ARHGAP26: variants seen among roughly 807,000 people sequenced by gnomAD.
The protein encoded by ARHGAP26 is Rho GTPase activating protein 26.
Under a neutral mutation model 104.8 loss-of-function variants are expected in ARHGAP26, and 38 were observed. The observed-to-expected ratio is 0.36, with a 90% CI of 0.28 to 0.48. The LOEUF is 0.48. Among genes scored for constraint, ARHGAP26 ranks in the 20% least tolerant of loss-of-function variants. The pLI, the probability that ARHGAP26 is intolerant of heterozygous loss-of-function variation, is 0.99. For synonymous variants in ARHGAP26, 341 were observed against 340.0 expected, an observed-to-expected ratio of 1.00 and a Z score of -0.03; for missense variants, 704 against 947.9, an observed-to-expected ratio of 0.74 and a Z score of 3.38.
intron 17 of ARHGAP26, among the ~76,000 whole-genome samples, chr5:143,062,042 G>A (rs1713582008): frequency 6.6e-6 from 1 of 152,208 alleles, no homozygotes; most frequent in African/African-American, 2.4e-5. Flanking sequence ...AATAAAGGCA[G>A]AGCTTTGACA....
chr5:143,016,500 A>G (rs1340271587), intron 12 of ARHGAP26, among the ~76,000 whole-genome samples: 5 of 152,050 alleles, frequency 3.3e-5, no homozygotes, highest in Non-Finnish European at 7.4e-5. Context: ...GTCAGGAGTT[A>G]GAGACCAGCC....
At chr5:143,041,486 A>G (rs532020346) in intron 13 of ARHGAP26, 2 of 195,034 alleles carry the variant, frequency 1.0e-5, no homozygotes, top group East Asian at 1.3e-4. Flanking sequence ...AATTGGTTAA[A>G]TATGACATAT....
intron 17 of ARHGAP26, among the ~76,000 whole-genome samples, chr5:143,094,569 T>C (rs1792013166): frequency 6.6e-6 from 1 of 152,228 alleles, no homozygotes; most frequent in Non-Finnish European, 1.5e-5. Flanking sequence ...ATTTTCTTTT[T>C]AATTCTCAGC....
At chr5:143,069,280 G>A (rs968454686) in intron 17 of ARHGAP26, among the ~76,000 whole-genome samples, 1 of 152,080 alleles carries the variant, frequency 6.6e-6, no homozygotes, top group Non-Finnish European at 1.5e-5. Flanking sequence ...GCTCCACGAG[G>A]TTGGCAATTG....
At chr5:142,845,890 T>A (rs1354930478) in intron 1 of ARHGAP26, among the ~76,000 whole-genome samples, 4 of 152,214 alleles carry the variant, frequency 2.6e-5, no homozygotes, top group African/African-American at 4.8e-5. Context: ...TTGGTCAGGC[T>A]GCATCCTTTT....
intron 4 of ARHGAP26, among the ~76,000 whole-genome samples, chr5:142,881,296 C>G (rs1756965652): frequency 6.6e-6 from 1 of 152,174 alleles, no homozygotes; most frequent in South Asian, 2.1e-4. Flanking sequence ...CTCTCTCTGG[C>G]CTCTTCTCTC....
intron 20 of ARHGAP26, among the ~76,000 whole-genome samples, chr5:143,158,480 G>A (rs1056089001): frequency 8.6e-5 from 13 of 151,976 alleles, no homozygotes; most frequent in African/African-American, 2.4e-4. Context: ...CTCTCCACTG[G>A]GGAAGAATTT....
chr5:142,885,484 A>T (rs764979619), intron 5 of ARHGAP26, 85 bp downstream of exon 5: 27 of 1,263,132 alleles, frequency 2.1e-5, no homozygotes, highest in African/African-American at 3.0e-5. Context: ...TTTGCTAGAA[A>T]ATCTTAGGGT....
At chr5:143,172,238 A>G (rs1423390534) in intron 20 of ARHGAP26, among the ~76,000 whole-genome samples, 2 of 152,168 alleles carry the variant, frequency 1.3e-5, no homozygotes, top group African/African-American at 4.8e-5. Flanking sequence ...TCTGGTGGCA[A>G]CTGTCCTCTG....
At chr5:142,771,102 G>A in intron 1 of ARHGAP26, 187 bp downstream of exon 1, 5 of 1,327,322 alleles carry the variant, frequency 3.8e-6, no homozygotes, top group South Asian at 2.0e-5. Flanking sequence ...GATGAAGAGA[G>A]AGACCCGTCG....
At chr5:143,216,202 C>T (rs1005437678) in intron 22 of ARHGAP26, 8 of 471,370 alleles carry the variant, frequency 1.7e-5, no homozygotes, top group Non-Finnish European at 3.1e-5. Flanking sequence ...TGTCCTTCAG[C>T]TTCCACAGCC....
intron 11 of ARHGAP26, among the ~76,000 whole-genome samples, chr5:142,965,963 G>A (rs1771253983): frequency 6.6e-6 from 1 of 152,140 alleles, no homozygotes. Context: ...TTTAATAGCC[G>A]GTTCTAAATA....
chr5:143,054,340 A>G (rs986304385), intron 14 of ARHGAP26, 99 bp from the exon 15 acceptor site: 3 of 705,248 alleles, frequency 4.3e-6, no homozygotes, highest in Admixed American at 2.8e-5. Flanking sequence ...TTTACTTTGC[A>G]TTTCTCTAGT....
chr5:142,806,839 A>G (rs1354087789), intron 1 of ARHGAP26, among the ~76,000 whole-genome samples: 3 of 152,204 alleles, frequency 2.0e-5, no homozygotes, highest in East Asian at 1.9e-4. Flanking sequence ...TCTTACGCAT[A>G]TTTGGAACTA....
intron 13 of ARHGAP26, 46 bp downstream of exon 13, chr5:143,037,307 A>G: frequency 6.6e-7 from 1 of 1,508,686 alleles, no homozygotes; most frequent in Non-Finnish European, 9.1e-7. Context: ...AAGGTCACGC[A>G]TCTGGTGAGG....
chr5:142,972,197 A>G (rs1480902334), intron 11 of ARHGAP26, among the ~76,000 whole-genome samples: 2 of 149,452 alleles, frequency 1.3e-5, no homozygotes, highest in Non-Finnish European at 3.0e-5. Flanking sequence ...AAAAAAAAAG[A>G]TACAGTTGTG....
chr5:142,927,531 G>A (rs1764089675), intron 10 of ARHGAP26, among the ~76,000 whole-genome samples: 1 of 151,882 alleles, frequency 6.6e-6, no homozygotes, highest in Admixed American at 6.6e-5. Flanking sequence ...ATTGTTGTAT[G>A]GTATGCCATT....
intron 17 of ARHGAP26, among the ~76,000 whole-genome samples, chr5:143,112,645 T>A (rs2108845): frequency 0.96 from 146,898 of 152,240 alleles, 70,898 homozygotes; most frequent in East Asian, 1. Context: ...GGCAACCATC[T>A]TTCTACTTTT....
intron 11 of ARHGAP26, among the ~76,000 whole-genome samples, chr5:142,999,934 G>A (rs1203816691): frequency 1.3e-5 from 2 of 152,012 alleles, no homozygotes; most frequent in African/African-American, 2.4e-5. Flanking sequence ...ATAAAAAGAA[G>A]AACCTAACTA....
Sources: allele counts gnomAD v4.1 joint callset (sites outside exome capture counted in the v4.1 genomes callset), GRCh38; gene constraint gnomAD v4.1.1; transcripts MANE v1.5; gene names NCBI Gene and HGNC (gene_info 2026-07-23, HGNC 2026-07-21).